The following MYT1L variants were observed in gnomAD, a reference collection of about 807,000 sequenced individuals.
The protein encoded by MYT1L is myelin transcription factor 1-like protein.
In MYT1L, 12 loss-of-function variants were observed where a neutral mutation model predicts 126.7. The observed-to-expected ratio is 0.09, with a 90% CI of 0.06 to 0.15. The LOEUF (loss-of-function observed/expected upper bound fraction) is 0.15. Ranked by LOEUF, MYT1L falls within the 10% of genes least tolerant of loss-of-function variation. The probability of loss-of-function intolerance (pLI) is 1.00; values close to 1 mark genes in which losing one functional copy is unlikely to be tolerated. For synonymous variants in MYT1L, 541 were observed against 604.2 expected (o/e 0.90, Z 1.53); for missense variants, 979 against 1,585.2 (o/e 0.62, Z 6.49).
chr2:2,205,480 G>A (rs2093276352), intron 2 of MYT1L, among the ~76,000 whole-genome samples: 1 of 152,100 alleles, frequency 6.6e-6, no homozygotes, highest in East Asian at 1.9e-4. Flanking sequence ...AACAAAAAAG[G>A]AAGACTGAAT....
chr2:1,901,841 G>A (rs936005048), intron 14 of MYT1L, among the ~76,000 whole-genome samples: 1 of 139,284 alleles, frequency 7.2e-6, no homozygotes, highest in African/African-American at 2.5e-5. Flanking sequence ...TGTATTTTTA[G>A]TAGAAACAGG....
chr2:2,120,537 T>C lies in MYT1L; in HGVS notation c.-304+52335A>G, dbSNP rs142094218. ...ACAGGGCTTGTTCTCCATCTCACTC[T>C]TTTAAACCTAAATTATTGTGCCCTG... On this transcript the variant is annotated intron_variant, in intron 3 of 24. Coordinates refer to ENST00000647738, the MANE Select transcript of MYT1L (RefSeq NM_001303052.2). 3.4e-4 allele frequency among the ~76,000 whole-genome samples: 52 copies of C among 152,156 alleles called. No individual in the cohort carries two copies. In the East Asian group the frequency reaches 8.2e-3, roughly 24 times the overall value.
At chr2:1,884,007 G>A (rs914695204) in intron 18 of MYT1L, 4 of 152,216 alleles carry the variant, frequency 2.6e-5, no homozygotes, top group African/African-American at 7.2e-5. Flanking sequence ...CAGGCAAAGT[G>A]TTATCTCAGG....
At chr2:2,100,840 T>C (rs1272320695) in intron 3 of MYT1L, among the ~76,000 whole-genome samples, 4 of 152,272 alleles carry the variant, frequency 2.6e-5, no homozygotes, top group African/African-American at 9.6e-5. Flanking sequence ...TCCTTCTATC[T>C]CCACATTGAA....
chr2:1,972,696 T>C (rs1301865889), intron 8 of MYT1L, among the ~76,000 whole-genome samples: 1 of 152,206 alleles, frequency 6.6e-6, no homozygotes, highest in Non-Finnish European at 1.5e-5. Context: ...AACAGCCTCC[T>C]GTGAAGACAG....
At chr2:2,217,774 G>T (rs556296244) in intron 2 of MYT1L, among the ~76,000 whole-genome samples, 4 of 146,868 alleles carry the variant, frequency 2.7e-5, no homozygotes, top group African/African-American at 1.0e-4. Context: ...AATAGACTCT[G>T]AAAAATCATT....
Position 1,793,608 on chromosome 2 carries a change from A to C in MYT1L, c.3277-1144T>G, listed in dbSNP as rs2032720585. On this transcript the variant is annotated intron_variant, in intron 23 of 24. Coordinates refer to ENST00000647738, the MANE Select transcript of MYT1L (RefSeq NM_001303052.2). This position sits in a 1 kb window ranked among gnomAD's most constrained non-coding sequence, Gnocchi z 4.6. ...TCTCCCAGTCACCAGCCTCAGGCCC[A>C]GACCCTCTGTTAGAAAACTGAAGCA... Among the ~76,000 whole-genome samples, 1 of 152,132 alleles carries C rather than the reference A, an allele frequency of 6.6e-6. No homozygotes were observed. The highest frequency in any genetic ancestry group is 1.9e-4 in the East Asian group (1 of 5,152).
intron 2 of MYT1L, among the ~76,000 whole-genome samples, chr2:2,209,241 T>G (rs1345532949): frequency 1.3e-5 from 2 of 152,288 alleles, no homozygotes; most frequent in African/African-American, 4.8e-5. Flanking sequence ...ATCCTTTGTG[T>G]TACAAAAAAA....
chr2:1,913,593 C>T (rs757546335), intron 11 of MYT1L, among the ~76,000 whole-genome samples: 3 of 152,170 alleles, frequency 2.0e-5, no homozygotes, highest in South Asian at 2.1e-4. Context: ...TGTCCACCAC[C>T]GTGTGACAAC....
At chr2:2,032,123 G>A (rs1228904621) in intron 4 of MYT1L, among the ~76,000 whole-genome samples, 3 of 124,754 alleles carry the variant, frequency 2.4e-5, no homozygotes, top group Non-Finnish European at 3.3e-5. Context: ...TCATCCTGTG[G>A]CCCAGAGCAG....
intron 2 of MYT1L, among the ~76,000 whole-genome samples, chr2:2,223,537 C>T (rs1016387605): frequency 7.9e-5 from 12 of 152,286 alleles, no homozygotes; most frequent in East Asian, 7.7e-4. Flanking sequence ...TCTGTACTGA[C>T]GTGGTATTAG....
intron 2 of MYT1L, among the ~76,000 whole-genome samples, chr2:2,221,862 C>A (rs1411708539): frequency 6.6e-6 from 1 of 152,198 alleles, no homozygotes; most frequent in Admixed American, 6.5e-5. Context: ...GATCTACAGA[C>A]AAATTATTAG....
chr2:2,306,042 T>G (rs2095853279), intron 1 of MYT1L: 2 of 152,218 alleles, frequency 1.3e-5, no homozygotes, highest in African/African-American at 4.8e-5. Flanking sequence ...AATGGTGACA[T>G]TTCTGATCCT....
intron 4 of MYT1L, among the ~76,000 whole-genome samples, chr2:2,022,291 G>A (rs753986293): frequency 5.3e-5 from 8 of 152,150 alleles, no homozygotes; most frequent in Non-Finnish European, 1.0e-4. Flanking sequence ...ACATGTCCCA[G>A]AGAGCTCCGG....
chr2:2,042,102 C>T (rs1001564208), intron 4 of MYT1L, among the ~76,000 whole-genome samples: 1 of 152,140 alleles, frequency 6.6e-6, no homozygotes, highest in South Asian at 2.1e-4. Flanking sequence ...GGCACCCTCT[C>T]GAGGGGCTGG....
At chr2:2,004,687 GTGCATTCTTTCCTGTGTGCCTTTCCT>G (rs2062970944) in intron 4 of MYT1L, among the ~76,000 whole-genome samples, 1 of 101,926 alleles carries the variant, frequency 9.8e-6, no homozygotes, top group African/African-American at 3.6e-5. Flanking sequence ...TCTTTCCTGC[GTGCATTCTTTCCTGTGTGCCTTTCCT>G]GCGTGCCTTC....
chr2:2,157,229 C>T (rs1356502832), intron 3 of MYT1L, among the ~76,000 whole-genome samples: 1 of 152,116 alleles, frequency 6.6e-6, no homozygotes, highest in Non-Finnish European at 1.5e-5. Flanking sequence ...ATAATGAAAT[C>T]ATATAATCTA....
chr2:2,132,111 A>G (rs564794432), intron 3 of MYT1L, among the ~76,000 whole-genome samples: 30 of 151,438 alleles, frequency 2.0e-4, no homozygotes, highest in African/African-American at 6.8e-4. Flanking sequence ...GTTTCACCAC[A>G]TTGGCCAGGA....
At position 2,279,548 on chromosome 2, in the gene MYT1L, A is replaced by G. The variant is rs1257989309; in HGVS notation, c.-421+4856T>C. Among the ~76,000 whole-genome samples the G allele has an allele frequency of 1.1e-3, 120 of 112,380 alleles. 1 individual carries two copies. The highest frequency in any genetic ancestry group is 3.8e-3 in the African/African-American group (117 of 30,528). The allele number at this position is 112,380 out of a possible 152,430, so 73.7% of individuals were successfully genotyped here. Reference sequence around the variant, plus strand: ...AGGGAAGGAGGAAGGAGAGAGAGAAAGAGAGAAGGAATGAATGAATGAAGG... The same window carrying G: ...AGGGAAGGAGGAAGGAGAGAGAGAAGGAGAGAAGGAATGAATGAATGAAGG... On this transcript the variant is annotated intron_variant, in intron 2 of 24. Coordinates refer to ENST00000647738, the MANE Select transcript of MYT1L (RefSeq NM_001303052.2).
Sources: gnomAD v4.1 joint callset for allele counts (sites outside exome capture counted in the v4.1 genomes callset) on GRCh38, gnomAD v4.1.1 for gene constraint, Gnocchi (gnomAD v3.1) non-coding constraint, MANE v1.5 for transcripts, NCBI Gene and HGNC (gene_info 2026-07-23, HGNC 2026-07-21) for gene names.